LMBR1: variants seen among roughly 807,000 people sequenced by gnomAD.
The protein encoded by LMBR1 is limb development membrane protein 1.
A neutral mutation model predicts 73.9 loss-of-function variants in LMBR1; 52 were observed. The ratio of observed to expected loss-of-function variants is 0.70; its 90% CI spans 0.56 to 0.89. The LOEUF (loss-of-function observed/expected upper bound fraction) is 0.89. Among genes scored for constraint, LMBR1 ranks in the 40% least tolerant of loss-of-function variants. The probability of loss-of-function intolerance (pLI) is 0.00; values close to 1 mark genes in which losing one functional copy is unlikely to be tolerated. For synonymous variants in LMBR1, 215 were observed against 209.4 expected, an observed-to-expected ratio of 1.03 and a Z score of -0.23; for missense variants, 539 against 579.8, an observed-to-expected ratio of 0.93 and a Z score of 0.72.
intron 1 of LMBR1, among the ~76,000 whole-genome samples, chr7:156,850,470 C>A (rs1247552864): frequency 6.6e-6 from 1 of 152,202 alleles, no homozygotes; most frequent in Non-Finnish European, 1.5e-5. Context: ...ACTCTTGTAA[C>A]CACCAATCTA....
chr7:156,707,031 T>C (rs1385265621), intron 15 of LMBR1, among the ~76,000 whole-genome samples: 4 of 149,396 alleles, frequency 2.7e-5, no homozygotes, highest in South Asian at 2.1e-4. Context: ...ACAAAGAAAA[T>C]CAGAAATGAA....
intron 9 of LMBR1, among the ~76,000 whole-genome samples, chr7:156,754,140 C>G (rs1305534871): frequency 6.6e-6 from 1 of 152,186 alleles, no homozygotes; most frequent in South Asian, 2.1e-4. Context: ...AACATTATCA[C>G]AGCACACAGC....
intron 16 of LMBR1, among the ~76,000 whole-genome samples, chr7:156,686,803 T>A (rs1806112184): frequency 6.6e-6 from 1 of 152,270 alleles, no homozygotes; most frequent in African/African-American, 2.4e-5. Context: ...CATGGCTAAC[T>A]AATCTTGCTG....
intron 5 of LMBR1, among the ~76,000 whole-genome samples, chr7:156,782,006 G>A (rs1827218232): frequency 6.6e-6 from 1 of 152,084 alleles, no homozygotes; most frequent in Non-Finnish European, 1.5e-5. Flanking sequence ...CACAATCCCT[G>A]GCAACCACTA....
intron 15 of LMBR1, among the ~76,000 whole-genome samples, chr7:156,723,196 A>G (rs1814982077): frequency 6.6e-6 from 1 of 152,182 alleles, no homozygotes; most frequent in Non-Finnish European, 1.5e-5. Context: ...TGTAAGAATT[A>G]TGAAGATAAC....
chr7:156,788,773 C>G (rs545812465), intron 5 of LMBR1, among the ~76,000 whole-genome samples: 4 of 152,078 alleles, frequency 2.6e-5, no homozygotes, highest in African/African-American at 9.6e-5. Flanking sequence ...ATTGGCTGGG[C>G]ACAATGGCTC....
At chr7:156,861,434 C>A (rs534903526) in intron 1 of LMBR1, among the ~76,000 whole-genome samples, 2 of 152,256 alleles carry the variant, frequency 1.3e-5, no homozygotes, top group East Asian at 3.9e-4. Context: ...CCTAAACCTC[C>A]CAGCCTATAA....
chr7:156,816,675 A>C (rs1367856200), intron 4 of LMBR1, among the ~76,000 whole-genome samples: 1 of 152,222 alleles, frequency 6.6e-6, no homozygotes, highest in Non-Finnish European at 1.5e-5. Flanking sequence ...AATATATAAG[A>C]AAGTAAAAAT....
intron 3 of LMBR1, among the ~76,000 whole-genome samples, chr7:156,828,832 T>C (rs891280053): frequency 1.3e-5 from 2 of 152,184 alleles, no homozygotes; most frequent in Admixed American, 1.3e-4. Flanking sequence ...AATAATCTGA[T>C]CAATCTTTTA....
At chr7:156,704,578 A>G (rs1256400069) in intron 15 of LMBR1, among the ~76,000 whole-genome samples, 8 of 150,382 alleles carry the variant, frequency 5.3e-5, no homozygotes, top group African/African-American at 2.0e-4. Flanking sequence ...GAAAACAATA[A>G]TTCTCCAGCA....
intron 4 of LMBR1, among the ~76,000 whole-genome samples, chr7:156,818,917 C>T (rs1586010136): frequency 6.6e-6 from 1 of 152,162 alleles, no homozygotes; most frequent in South Asian, 2.1e-4. Flanking sequence ...TCTGCCCTAT[C>T]CTACAACAAA....
At chr7:156,814,731 C>CT (rs1833636705) in intron 4 of LMBR1, among the ~76,000 whole-genome samples, 1 of 152,252 alleles carries the variant, frequency 6.6e-6, no homozygotes, top group Non-Finnish European at 1.5e-5. Flanking sequence ...GACTGCAACT[C>CT]TGTCACCCAG....
At chr7:156,728,457 T>A (rs1363834786) in intron 11 of LMBR1, among the ~76,000 whole-genome samples, 187 bp downstream of exon 11, 7 of 152,232 alleles carry the variant, frequency 4.6e-5, no homozygotes, top group South Asian at 2.1e-4. Flanking sequence ...GAATTTTTTT[T>A]AAATTGCCAT....
chr7:156,814,329 A>C (rs1009071711), intron 4 of LMBR1, among the ~76,000 whole-genome samples: 1 of 152,248 alleles, frequency 6.6e-6, no homozygotes, highest in African/African-American at 2.4e-5. Flanking sequence ...TACTAAGGGA[A>C]ATAATGAATA....
At chr7:156,753,187 T>C (rs1270984853) in intron 9 of LMBR1, among the ~76,000 whole-genome samples, 2 of 151,790 alleles carry the variant, frequency 1.3e-5, no homozygotes, top group Non-Finnish European at 2.9e-5. Context: ...GCAAGGAGTG[T>C]CCTGGAGTGA....
intron 1 of LMBR1, among the ~76,000 whole-genome samples, chr7:156,858,465 T>A (rs1365087551): frequency 6.6e-6 from 1 of 152,226 alleles, no homozygotes; most frequent in Non-Finnish European, 1.5e-5. Flanking sequence ...ATAGTTTCAC[T>A]TTTGAATTCT....
At chr7:156,857,344 A>G (rs759464064) in intron 1 of LMBR1, among the ~76,000 whole-genome samples, 2 of 152,224 alleles carry the variant, frequency 1.3e-5, no homozygotes, top group Non-Finnish European at 2.9e-5. Flanking sequence ...TATTAATTTC[A>G]GGCAAGGCAG....
intron 4 of LMBR1, among the ~76,000 whole-genome samples, chr7:156,807,762 T>C (rs1024641042): frequency 5.3e-5 from 8 of 152,230 alleles, no homozygotes; most frequent in South Asian, 2.1e-4. Context: ...GTGCTATACA[T>C]TGACCTTTAA....
chr7:156,714,954 CTT>C (rs58088822), intron 15 of LMBR1, among the ~76,000 whole-genome samples: 75 of 141,926 alleles, frequency 5.3e-4, no homozygotes, highest in African/African-American at 1.0e-3. Flanking sequence ...ATACTTTTTT[CTT>C]TTTTTTTTTT....
Sources: allele counts gnomAD v4.1 joint callset (sites outside exome capture counted in the v4.1 genomes callset), GRCh38; gene constraint gnomAD v4.1.1; transcripts MANE v1.5; gene names NCBI Gene and HGNC (gene_info 2026-07-23, HGNC 2026-07-21).